The following ROBO2 variants were observed in gnomAD, a reference collection of about 807,000 sequenced individuals.
ROBO2 encodes the protein roundabout homolog 2.
In ROBO2, 53 loss-of-function variants were observed where a neutral mutation model predicts 160.8. The ratio of observed to expected loss-of-function variants is 0.33; its 90% CI spans 0.26 to 0.41. ROBO2 has a LOEUF of 0.41. Ranked by LOEUF, ROBO2 falls within the 10% of genes least tolerant of loss-of-function variation. ROBO2 has a pLI of 1.00. For synonymous variants in ROBO2, 664 were observed against 611.7 expected (o/e 1.09, Z -1.26); for missense variants, 1,577 against 1,722.4 (o/e 0.92, Z 1.49).
chr3:76,531,678 A>G (rs1199000679), intron 2 of ROBO2, among the ~76,000 whole-genome samples: 1 of 143,814 alleles, frequency 7.0e-6, no homozygotes, highest in Non-Finnish European at 1.5e-5. Flanking sequence ...TTGGTAATTC[A>G]ACAGTAATCC....
intron 2 of ROBO2, among the ~76,000 whole-genome samples, chr3:77,368,035 C>G (rs2071182734): frequency 6.6e-6 from 1 of 152,100 alleles, no homozygotes; most frequent in Admixed American, 6.6e-5. Context: ...CTAGTGTCAT[C>G]TGCCTTGTCT....
At chr3:77,197,150 C>A (rs1024284531) in intron 2 of ROBO2, among the ~76,000 whole-genome samples, 6 of 152,166 alleles carry the variant, frequency 3.9e-5, no homozygotes, top group African/African-American at 1.2e-4. Flanking sequence ...CGTGTGATTT[C>A]TCTTGAAGAA....
chr3:76,097,197 G>A (rs191461802), intron 2 of ROBO2, among the ~76,000 whole-genome samples: 1 of 152,272 alleles, frequency 6.6e-6, no homozygotes, highest in African/African-American at 2.4e-5. Context: ...CATGTACTCT[G>A]TGCCAACCCT....
intron 2 of ROBO2, among the ~76,000 whole-genome samples, chr3:76,117,811 T>G (rs2070542317): frequency 6.6e-6 from 1 of 152,216 alleles, no homozygotes; most frequent in Non-Finnish European, 1.5e-5. Context: ...CTATCATATA[T>G]GTTTTATAAG....
chr3:77,347,435 C>T lies in ROBO2; in HGVS notation c.389-129979C>T, dbSNP rs927637619. On this transcript the variant is annotated intron_variant, in intron 2 of 25. Transcript: ENST00000461745. ...TTTTCCCTCTTTCCTTCCCTCTTAC[C>T]GTATAATTCCCATCAGCATAGGACT... Among the ~76,000 whole-genome samples the T allele has an allele frequency of 1.5e-4, 23 of 151,872 alleles. No homozygotes were observed. The East Asian group carries it at 1.9e-3, about 13-fold the overall frequency.
intron 2 of ROBO2, among the ~76,000 whole-genome samples, chr3:76,883,895 G>C (rs2073618308): frequency 6.6e-6 from 1 of 152,078 alleles, no homozygotes; most frequent in African/African-American, 2.4e-5. Flanking sequence ...TTCATGCTAT[G>C]GTGCAATGCA....
At chr3:76,890,182 T>C (rs1051631979) in intron 2 of ROBO2, among the ~76,000 whole-genome samples, 2 of 152,142 alleles carry the variant, frequency 1.3e-5, no homozygotes, top group African/African-American at 4.8e-5. Flanking sequence ...TATTGAGCTA[T>C]TACCAAGTGC....
intron 2 of ROBO2, among the ~76,000 whole-genome samples, chr3:76,779,544 A>G (rs1318496776): frequency 6.6e-6 from 1 of 150,814 alleles, no homozygotes; most frequent in African/African-American, 2.4e-5. Flanking sequence ...CTATTCTACT[A>G]TCTGCTTCTA....
intron 2 of ROBO2, among the ~76,000 whole-genome samples, chr3:76,625,256 GCT>G (rs756925400): frequency 6.6e-6 from 1 of 151,936 alleles, no homozygotes; most frequent in Non-Finnish European, 1.5e-5. Context: ...GGAAACCACG[GCT>G]TTTTTTCATT....
chr3:75,943,724 C>T (rs1373413931), intron 2 of ROBO2, among the ~76,000 whole-genome samples: 2 of 152,034 alleles, frequency 1.3e-5, no homozygotes, highest in African/African-American at 4.8e-5. Context: ...TTTTTTGAGA[C>T]AGAGTCTTGC....
chr3:76,529,816 A>G (rs576734194), intron 2 of ROBO2, among the ~76,000 whole-genome samples: 41 of 152,090 alleles, frequency 2.7e-4, no homozygotes, highest in Non-Finnish European at 4.4e-4. Context: ...CCCTTGCAGC[A>G]TTTTAACATA....
In ROBO2 at chr3:77,199,649, G is replaced by T. The variant is rs2082640419; in HGVS notation, c.388+101309G>T. Reference sequence around the variant, plus strand: ...TTTTTTTTTTTTTTTTTTTGTGACAGATTCTCACTGTCTCCTCAGGTCTGA... The same window carrying T: ...TTTTTTTTTTTTTTTTTTTGTGACATATTCTCACTGTCTCCTCAGGTCTGA... On this transcript the variant is annotated intron_variant, in intron 2 of 25. Transcript: ENST00000461745. Among the ~76,000 whole-genome samples the T allele has an allele frequency of 3.1e-5, 4 of 128,074 alleles. 1 individual carries two copies. In the South Asian group the frequency reaches 9.5e-4, roughly 30 times the overall value. 84.0% of individuals were successfully genotyped at this position (128,074 alleles called of 152,430 possible).
At chr3:77,633,347 C>G (rs1174984163) in intron 23 of ROBO2, 1 of 152,062 alleles carries the variant, frequency 6.6e-6, no homozygotes, top group Non-Finnish European at 1.5e-5. Context: ...TATAATTTTT[C>G]AAGTGCTGCT....
chr3:77,550,805 C>A lies in ROBO2; in HGVS notation c.1060-13C>A. 2 of 1,612,390 alleles carry A rather than the reference C, an allele frequency of 1.2e-6. No individual in the cohort carries two copies. The highest frequency in any genetic ancestry group is 1.7e-6 in the Non-Finnish European group (2 of 1,178,968). On this transcript the variant is annotated splice_polypyrimidine_tract_variant and intron_variant, in intron 7 of 25. Coordinates refer to ENST00000461745, the Ensembl canonical transcript of ROBO2. ...GAAAATGAATATTGATGAGATTGTG[C>A]TTGCTTCCACAGAACCTACTTTTCC...
chr3:77,088,337 T>C (rs2069637883), intron 1 of ROBO2, among the ~76,000 whole-genome samples: 2 of 152,208 alleles, frequency 1.3e-5, no homozygotes, highest in Non-Finnish European at 1.5e-5. Context: ...TAAAGATCTT[T>C]GCTGAATGCT....
chr3:77,220,746 A>G lies in ROBO2; in HGVS notation c.388+122406A>G, dbSNP rs142317504. Among the ~76,000 whole-genome samples the G allele has an allele frequency of 1.3e-4, 20 of 152,248 alleles. No homozygotes were observed. In the East Asian group the frequency reaches 3.5e-3, roughly 27 times the overall value. On this transcript the variant is annotated intron_variant, in intron 2 of 25. Transcript: ENST00000461745. Reference sequence around the variant, plus strand: ...AACTAACTTCATCTGACTCATGAAGAGAGATTAGTATCTCTTTTATCATTT... The same window carrying G: ...AACTAACTTCATCTGACTCATGAAGGGAGATTAGTATCTCTTTTATCATTT...
At chr3:77,516,660 G>T (rs74403663) in intron 5 of ROBO2, among the ~76,000 whole-genome samples, 6,409 of 150,778 alleles carry the variant, frequency 0.043, 437 homozygotes, top group African/African-American at 0.14. Context: ...CACTCAAATT[G>T]CCAAGTTATC....
intron 2 of ROBO2, among the ~76,000 whole-genome samples, chr3:77,204,357 T>A (rs912674427): frequency 6.6e-6 from 1 of 152,226 alleles, no homozygotes; most frequent in Non-Finnish European, 1.5e-5. Flanking sequence ...TTATCCAAAC[T>A]GTAAGAATTT....
intron 2 of ROBO2, among the ~76,000 whole-genome samples, chr3:77,324,009 T>C (rs1424812830): frequency 1.3e-5 from 2 of 152,210 alleles, no homozygotes; most frequent in Non-Finnish European, 2.9e-5. Flanking sequence ...GATTGATTTA[T>C]AACACAGATG....
Sources: allele counts gnomAD v4.1 joint callset (sites outside exome capture counted in the v4.1 genomes callset), GRCh38; gene constraint gnomAD v4.1.1; transcripts MANE v1.5; gene names NCBI Gene and HGNC (gene_info 2026-07-23, HGNC 2026-07-21).